The following ATM variants were observed in gnomAD, a reference collection of about 807,000 sequenced individuals.
ATM encodes the protein ATM serine/threonine kinase, also known as serine-protein kinase ATM.
A neutral mutation model predicts 387.0 loss-of-function variants in ATM; 308 were observed. The observed-to-expected ratio is 0.80, with a 90% CI of 0.73 to 0.87. The LOEUF (loss-of-function observed/expected upper bound fraction) is 0.87, where lower values mean the gene tolerates loss of function less well. Among genes scored for constraint, ATM ranks in the 40% least tolerant of loss-of-function variants. ATM has a pLI of 0.00. For missense variants in ATM, 3,312 were observed against 3,560.9 expected, an observed-to-expected ratio of 0.93 and a Z score of 1.78; for synonymous variants, 1,156 against 1,187.3, an observed-to-expected ratio of 0.97 and a Z score of 0.54.
In ATM at chr11:108,271,286, T is replaced by C. The variant is rs373225328; in HGVS notation, c.2957T>C (p.Val986Ala). ...VCSLYRRDQD[V>A]CKTILNHVLH... is the part of the protein sequence containing the mutation. Reference sequence around the variant, plus strand: ...TCTTTGTATCGTCGTGACCAAGATGTTTGTAAAACTATTTTAAACCATGTC... The same window carrying C: ...TCTTTGTATCGTCGTGACCAAGATGCTTGTAAAACTATTTTAAACCATGTC... The change falls in exon 20 of 63, where the codon GTT becomes GCT. Residue 986 changes from valine to alanine, a missense_variant. Coordinates refer to ENST00000675843, the MANE Select transcript of ATM (RefSeq NM_000051.4). The C allele has an allele frequency of 4.3e-6, 7 of 1,613,990 alleles. No homozygotes were observed. The highest frequency in any genetic ancestry group is 5.9e-6 in the Non-Finnish European group (7 of 1,179,994).
intron 50 of ATM, 134 bp from the exon 51 acceptor site, chr11:108,331,310 C>T: frequency 6.9e-7 from 1 of 1,440,392 alleles, no homozygotes. Flanking sequence ...TGAAGGAAAA[C>T]AATATAGTTA....
At chr11:108,267,407 G>A (rs2081318495) in intron 17 of ATM, 65 bp downstream of exon 17, 4 of 1,436,702 alleles carry the variant, frequency 2.8e-6, no homozygotes, top group South Asian at 1.2e-5. Context: ...AGTATAAGAG[G>A]CCTCATTGAT....
chr11:108,344,725 C>T (rs899028226), intron 57 of ATM, among the ~76,000 whole-genome samples: 2 of 151,814 alleles, frequency 1.3e-5, no homozygotes, highest in South Asian at 2.1e-4. Flanking sequence ...GGTTGGGGGG[C>T]GGGTGTGGTA....
chr11:108,300,812 G>A (rs1454236740), intron 34 of ATM, among the ~76,000 whole-genome samples: 2 of 149,944 alleles, frequency 1.3e-5, no homozygotes, highest in Non-Finnish European at 3.0e-5. Context: ...ATTTTATGCT[G>A]TCCTTGCTTA....
intron 16 of ATM, among the ~76,000 whole-genome samples, chr11:108,259,290 C>A (rs1181643399): frequency 6.6e-6 from 1 of 152,110 alleles, no homozygotes; most frequent in Admixed American, 6.5e-5. Context: ...GAGATTGAGA[C>A]CATCCTGGCT....
At chr11:108,317,123 AGAGACAGGTCTTGGTTT>A (rs2084737163) in intron 42 of ATM, among the ~76,000 whole-genome samples, 1 of 149,104 alleles carries the variant, frequency 6.7e-6, no homozygotes, top group African/African-American at 2.5e-5. Flanking sequence ...AAAAAATTGT[AGAGACAGGTCTTGGTTT>A]GTTGTCCAGG....
chr11:108,268,683 A>G (rs2081404989), intron 18 of ATM, 74 bp downstream of exon 18: 1 of 1,446,382 alleles, frequency 6.9e-7, no homozygotes, highest in South Asian at 1.1e-5. Flanking sequence ...GTTGACATGT[A>G]AGAATCACAT....
chr11:108,345,980 A>G, intron 58 of ATM, 72 bp downstream of exon 58: 1 of 1,557,850 alleles, frequency 6.4e-7, no homozygotes, highest in Non-Finnish European at 8.8e-7. Flanking sequence ...TTGATTCAGC[A>G]CTTTTTCTAC....
rs750881004 is a variant in ATM, at chr11:108,301,696, C to T, written c.5226C>T (p.Ala1742=). 1.2e-6 allele frequency: 2 copies of T among 1,613,626 alleles called. No individual in the cohort carries two copies. Among genetic ancestry groups the T allele is most frequent in the Non-Finnish European group, 1.7e-6 (2 of 1,179,772 alleles). Residue 1742 remains alanine (A), a synonymous_variant, in exon 35 of 63, where the codon GCC becomes GCT. Transcript: ENST00000675843. ...AAVTCLKNIL[A]TKTGHSFWEI... ...TTACCTGTTTGAAAAACATTTTAGC[C>T]ACAAAGACTGGACATAGTTTCTGGG... is the stretch of plus-strand genomic sequence containing the variant.
At position 108,365,619 on chromosome 11, in the gene ATM, T is replaced by C; in HGVS notation, c.*111T>C. 1 of 1,347,850 alleles carries C rather than the reference T, an allele frequency of 7.4e-7. No individual in the cohort carries two copies. Among genetic ancestry groups the C allele is most frequent in the South Asian group, 1.4e-5 (1 of 73,932 alleles). 83.5% of individuals were successfully genotyped at this position (1,347,850 alleles called of 1,614,324 possible). A position where few individuals can be genotyped will look rare whatever the true frequency, so the allele number is the denominator to read the frequency against. ...AGGGATTAATATTTAAGTGAACTAT[T>C]GTGGGTTTTTTTGAATGTTGGTTTT... On this transcript the variant is annotated 3_prime_UTR_variant, in exon 63 of 63. Transcript: ENST00000675843.
At chr11:108,299,610 T>C in intron 33 of ATM, 104 bp from the exon 34 acceptor site, 1 of 1,218,842 alleles carries the variant, frequency 8.2e-7, no homozygotes, top group Non-Finnish European at 1.2e-6. Context: ...AGGTTAATTC[T>C]TGAAGTACAG....
chr11:108,361,119 G>A (rs1248298757), intron 61 of ATM, among the ~76,000 whole-genome samples: 1 of 134,942 alleles, frequency 7.4e-6, no homozygotes, highest in African/African-American at 2.9e-5. Flanking sequence ...CAAAATCAAT[G>A]TACAAAAATC....
chr11:108,340,459 G>A (rs1013753606), intron 56 of ATM: 1 of 152,054 alleles, frequency 6.6e-6, no homozygotes, highest in Non-Finnish European at 1.5e-5. Flanking sequence ...ACCAAGTAAT[G>A]GGAGTCATTT....
At chr11:108,357,175 G>A (rs1300700597) in intron 61 of ATM, among the ~76,000 whole-genome samples, 8 of 152,226 alleles carry the variant, frequency 5.3e-5, no homozygotes, top group African/African-American at 2.4e-5. Flanking sequence ...GTCAAAGAAA[G>A]GGGTGACAGA....
intron 16 of ATM, among the ~76,000 whole-genome samples, chr11:108,259,821 G>A (rs1417360316): frequency 3.9e-5 from 6 of 151,992 alleles, no homozygotes. Flanking sequence ...GAACACTGCC[G>A]GGCATACAAA....
At chr11:108,363,235 T>G (rs2090997287) in intron 61 of ATM, among the ~76,000 whole-genome samples, 1 of 152,194 alleles carries the variant, frequency 6.6e-6, no homozygotes. Flanking sequence ...TGGATTCATT[T>G]CTTTTCTTCT....
intron 24 of ATM, among the ~76,000 whole-genome samples, chr11:108,282,307 T>C (rs2082274891): frequency 6.6e-6 from 1 of 152,092 alleles, no homozygotes; most frequent in African/African-American, 2.4e-5. Flanking sequence ...GGCTAATTTA[T>C]TATACAGACG....
intron 26 of ATM, among the ~76,000 whole-genome samples, chr11:108,284,921 T>A (rs912405209): frequency 3.3e-5 from 5 of 152,132 alleles, no homozygotes; most frequent in Non-Finnish European, 7.4e-5. Context: ...GTGACACTTA[T>A]TACCTTCTAA....
At chr11:108,297,493 G>T in intron 33 of ATM, 111 bp downstream of exon 33, 1 of 940,356 alleles carries the variant, frequency 1.1e-6, no homozygotes, top group Non-Finnish European at 1.7e-6. Flanking sequence ...GTAGTATTCA[G>T]TATAGTAACA....
Sources: allele counts gnomAD v4.1 joint callset (sites outside exome capture counted in the v4.1 genomes callset), GRCh38; gene constraint gnomAD v4.1.1; transcripts MANE v1.5; gene names NCBI Gene and HGNC (gene_info 2026-07-23, HGNC 2026-07-21).